FANCM: variants seen among roughly 807,000 people sequenced by gnomAD.
FANCM encodes Fanconi anemia group M protein.
Under a neutral mutation model 199.5 loss-of-function variants are expected in FANCM, and 140 were observed. The observed-to-expected ratio is 0.70, with a 90% CI of 0.61 to 0.81. FANCM has a LOEUF of 0.81. Ranked by LOEUF, FANCM falls within the 30% of genes least tolerant of loss-of-function variation. The pLI, the probability that FANCM is intolerant of heterozygous loss-of-function variation, is 0.00. For synonymous variants in FANCM, 840 were observed against 836.8 expected, an observed-to-expected ratio of 1.00 and a Z score of -0.07; for missense variants, 2,410 against 2,421.4, an observed-to-expected ratio of 1.00 and a Z score of 0.10.
At chr14:45,160,070 G>C (rs1887486766) in intron 9 of FANCM, among the ~76,000 whole-genome samples, 1 of 141,916 alleles carries the variant, frequency 7.0e-6, no homozygotes, top group Non-Finnish European at 1.5e-5. Context: ...GTGTGATCTT[G>C]GCTCACTGCA....
intron 7 of FANCM, 109 bp downstream of exon 7, chr14:45,154,931 G>A: frequency 1.3e-6 from 1 of 794,928 alleles, no homozygotes; most frequent in Non-Finnish European, 2.1e-6. Flanking sequence ...ATATTTTGTA[G>A]CAACAGATCT....
intron 12 of FANCM, 39 bp downstream of exon 12, chr14:45,170,785 C>G (rs759455150): frequency 3.8e-6 from 6 of 1,566,498 alleles, no homozygotes; most frequent in East Asian, 4.5e-5. Context: ...TTTCCCCCCC[C>G]TCATTTTAAT....
chr14:45,162,988 T>G (rs951142213), intron 9 of FANCM, among the ~76,000 whole-genome samples: 1 of 150,644 alleles, frequency 6.6e-6, no homozygotes, highest in Non-Finnish European at 1.5e-5. Flanking sequence ...ATGATCATTG[T>G]TTCTCCCTGT....
intron 3 of FANCM, among the ~76,000 whole-genome samples, chr14:45,146,832 C>CAAAA (rs762253487): frequency 1.4e-4 from 6 of 42,162 alleles, no homozygotes; most frequent in Admixed American, 5.1e-4. Flanking sequence ...GACTCTGTCT[C>CAAAA]AAAAAAAAAA....
intron 14 of FANCM, among the ~76,000 whole-genome samples, 192 bp downstream of exon 14, chr14:45,177,168 G>T (rs541902526): frequency 6.7e-6 from 1 of 150,294 alleles, no homozygotes; most frequent in Non-Finnish European, 1.5e-5. Context: ...CTTATGGCAC[G>T]CATGGTATGG....
chr14:45,177,788 C>A (rs1054150338), intron 14 of FANCM, among the ~76,000 whole-genome samples: 2 of 151,996 alleles, frequency 1.3e-5, no homozygotes, highest in Non-Finnish European at 2.9e-5. Flanking sequence ...TTAGGTGTTA[C>A]AAAATGATGA....
At position 45,167,135 on chromosome 14, in the gene FANCM, A is replaced by G; in HGVS notation, c.1974A>G (p.Arg658=). The stretch of plus-strand genomic sequence containing the variant: ...AGAAGCCTTCTCGGAACTTGCAGCG[A>G]AAGTCATCTATCTTTTCCTATAGGG... ...EPEKPSRNLQ[R]KSSIFSYRDG... is the part of the protein sequence containing the mutation. Residue 658 remains arginine (R), a synonymous_variant, in exon 11 of 23, where the codon CGA becomes CGG. Transcript: ENST00000267430. 1.2e-6 allele frequency: 2 copies of G among 1,612,164 alleles called. No individual in the cohort carries two copies. The highest frequency in any genetic ancestry group is 2.2e-5 in the East Asian group (1 of 44,848).
intron 3 of FANCM, among the ~76,000 whole-genome samples, chr14:45,144,532 G>T (rs1886225433): frequency 6.6e-6 from 1 of 152,110 alleles, no homozygotes; most frequent in Admixed American, 6.5e-5. Context: ...CTATACTACT[G>T]CAGCTAAGCT....
At chr14:45,156,046 T>C (rs1221632094) in intron 8 of FANCM, among the ~76,000 whole-genome samples, 1 of 151,594 alleles carries the variant, frequency 6.6e-6, no homozygotes, top group African/African-American at 2.4e-5. Flanking sequence ...AGTAAAAGAG[T>C]AAAGTAGATT....
chr14:45,177,115 TTTC>T (rs1254944487), intron 14 of FANCM, 139 bp downstream of exon 14: 2 of 617,888 alleles, frequency 3.2e-6, no homozygotes, highest in Non-Finnish European at 5.7e-6. Context: ...GTGTTATATT[TTTC>T]TTAAGATGAT....
intron 20 of FANCM, among the ~76,000 whole-genome samples, chr14:45,191,357 C>T (rs762799168): frequency 6.6e-6 from 1 of 152,134 alleles, no homozygotes; most frequent in Admixed American, 6.5e-5. Context: ...CTTTTCTCGA[C>T]AAGGCAGAGT....
intron 3 of FANCM, 37 bp from the exon 4 acceptor site, chr14:45,148,800 A>T: frequency 6.7e-7 from 1 of 1,489,766 alleles, no homozygotes; most frequent in Non-Finnish European, 9.3e-7. Flanking sequence ...AAATTTTAAC[A>T]TGTAGTTTAT....
In FANCM at chr14:45,151,548, T is replaced by G; in HGVS notation, c.1050+20T>G. On this transcript the variant is annotated intron_variant, in intron 5 of 22. Coordinates refer to ENST00000267430, the MANE Select transcript of FANCM (RefSeq NM_020937.4). ...ATTGTGGTAGGTATTTTTAAATAAA[T>G]TTTGATGACAGATTAAATTTTCACT... 3 of 1,604,072 alleles carry G rather than the reference T, an allele frequency of 1.9e-6. No homozygotes were observed. Among genetic ancestry groups the G allele is most frequent in the Non-Finnish European group, 2.6e-6 (3 of 1,171,338 alleles).
intron 17 of FANCM, among the ~76,000 whole-genome samples, chr14:45,184,954 T>C (rs1889302776): frequency 6.6e-6 from 1 of 151,242 alleles, no homozygotes; most frequent in Admixed American, 6.6e-5. Context: ...TTTTTTTTTT[T>C]TGTATTTTGT....
At chr14:45,182,796 A>G (rs1202294729) in intron 16 of FANCM, among the ~76,000 whole-genome samples, 1 of 152,214 alleles carries the variant, frequency 6.6e-6, no homozygotes, top group African/African-American at 2.4e-5. Context: ...TATGTTGAAA[A>G]TGCATTTAAT....
chr14:45,198,566 T>TATC, intron 21 of FANCM, 78 bp from the exon 22 acceptor site: 2 of 920,764 alleles, frequency 2.2e-6, no homozygotes, highest in South Asian at 2.2e-5. Flanking sequence ...CTTGGGATTT[T>TATC]AATAAAATAA....
intron 21 of FANCM, 79 bp from the exon 22 acceptor site, chr14:45,198,565 T>TGCAG: frequency 2.4e-6 from 2 of 839,584 alleles, no homozygotes; most frequent in South Asian, 2.5e-5. Context: ...TCTTGGGATT[T>TGCAG]TAATAAAATA....
In FANCM at chr14:45,173,105, A is replaced by T. The variant is rs772137327; in HGVS notation, c.2211A>T (p.Arg737Ser). The T allele has an allele frequency of 6.2e-7, 1 of 1,611,878 alleles. No homozygotes were observed. Among genetic ancestry groups the T allele is most frequent in the Non-Finnish European group, 8.5e-7 (1 of 1,178,026 alleles). ...ATCAACTCTCTCTCTCTGAATGGAG[A>T]CTGTGGCAAGATCATCCTTTGCCTA... ...GIHQLSLSEW[R>S]LWQDHPLPTH... Residue 737 changes from arginine (R) to serine (S), a missense_variant, in exon 13 of 23, where the codon AGA becomes AGT. By Grantham distance (110) the Arg-to-Ser change is moderately radical (BLOSUM62 -1). Transcript: ENST00000267430.
chr14:45,148,200 A>AACACACACACAC (rs200351777), intron 3 of FANCM, among the ~76,000 whole-genome samples: 3,550 of 142,378 alleles, frequency 0.025, 133 homozygotes, highest in African/African-American at 0.079. Context: ...CCGTCTCAAA[A>AACACACACACAC]ACACACACAC....
Sources: allele counts gnomAD v4.1 joint callset (sites outside exome capture counted in the v4.1 genomes callset), GRCh38; gene constraint gnomAD v4.1.1; transcripts MANE v1.5; gene names NCBI Gene and HGNC (gene_info 2026-07-23, HGNC 2026-07-21).